CTIF: variants seen among roughly 807,000 people sequenced by gnomAD.
CTIF encodes the protein CBP80/20-dependent translation initiation factor.
CTIF carries 21 observed loss-of-function variants against 66.0 expected under a neutral mutation model. The ratio of observed to expected loss-of-function variants is 0.32; its 90% CI spans 0.23 to 0.46. The LOEUF is 0.46. Ranked by LOEUF, CTIF falls within the 20% of genes least tolerant of loss-of-function variation. The pLI, the probability that CTIF is intolerant of heterozygous loss-of-function variation, is 1.00. For missense variants in CTIF, 739 were observed against 812.7 expected (o/e 0.91, Z 1.10); for synonymous variants, 345 against 326.4 (o/e 1.06, Z -0.62).
chr18:48,725,743 G>A (rs990225140), intron 7 of CTIF, among the ~76,000 whole-genome samples: 8 of 152,046 alleles, frequency 5.3e-5, no homozygotes, highest in African/African-American at 1.2e-4. Flanking sequence ...TTAGTTTCTG[G>A]CACACTGAGA....
At chr18:48,824,013 C>CACAA (rs139376550) in intron 10 of CTIF, among the ~76,000 whole-genome samples, 1 of 146,640 alleles carries the variant, frequency 6.8e-6, no homozygotes, top group African/African-American at 2.5e-5. Flanking sequence ...CACACACACA[C>CACAA]AAACTGCTAG....
chr18:48,697,619 T>G (rs544013598), intron 6 of CTIF, among the ~76,000 whole-genome samples: 1 of 152,158 alleles, frequency 6.6e-6, no homozygotes. Flanking sequence ...TTCTCCAGTC[T>G]AACTCCAAAT....
rs988747555 is a variant in CTIF at position 48,719,152 on chromosome 18, A to G, written c.584+7457A>G. The stretch of plus-strand genomic sequence containing the variant: ...ATTGTCTTTAATATTTTTAAGCCCC[A>G]TTCCTTGACACTGCTGTGGCTTCTG... On this transcript the variant is annotated intron_variant, in intron 7 of 11. Transcript: ENST00000256413. Among the ~76,000 whole-genome samples, 6 of 152,180 alleles carry G rather than the reference A, an allele frequency of 3.9e-5. No individual in the cohort carries two copies. In the East Asian group the frequency reaches 1.2e-3, roughly 29 times the overall value.
intron 2 of CTIF, among the ~76,000 whole-genome samples, chr18:48,625,656 C>A (rs947528421): frequency 6.6e-6 from 1 of 152,174 alleles, no homozygotes; most frequent in African/African-American, 2.4e-5. Flanking sequence ...TTTCACCTGC[C>A]CACATGCCCC....
rs780856135 is a variant in CTIF, at chr18:48,603,628, AGGAT to A, written c.-28-15888_-28-15885del. Among the ~76,000 whole-genome samples, 143 of 120,942 alleles carry A rather than the reference AGGAT, an allele frequency of 1.2e-3. No homozygotes were observed. The Middle Eastern group carries it at 0.024, about 20-fold the overall frequency. 79.3% of individuals were successfully genotyped at this position (120,942 alleles called of 152,430 possible). A position where few individuals can be genotyped will look rare whatever the true frequency, so the allele number is the denominator to read the frequency against. On this transcript the variant is annotated intron_variant, in intron 1 of 11. Transcript: ENST00000256413. The stretch of plus-strand genomic sequence containing the variant: ...ATGGGTGGGTGGGTGGATGGATGGA[AGGAT>A]GGATGGATGGATGGATGGATGAATG...
chr18:48,646,473 G>A (rs2091033140), intron 3 of CTIF, among the ~76,000 whole-genome samples: 1 of 151,570 alleles, frequency 6.6e-6, no homozygotes, highest in South Asian at 2.1e-4. Context: ...ACGGCCAAGA[G>A]CGGTGGCTCA....
At chr18:48,810,069 T>C (rs182890558) in intron 9 of CTIF, among the ~76,000 whole-genome samples, 2 of 152,214 alleles carry the variant, frequency 1.3e-5, no homozygotes, top group African/African-American at 4.8e-5. Flanking sequence ...GATCTACATA[T>C]GTAATTTTAA....
intron 7 of CTIF, 122 bp from the exon 8 acceptor site, chr18:48,757,797 T>C (rs1908538279): frequency 7.6e-7 from 1 of 1,307,604 alleles, no homozygotes; most frequent in African/African-American, 1.5e-5. Context: ...GCTCAGGAAG[T>C]GTTTGTTGGA....
rs575076311 is a variant in CTIF at position 48,776,427 on chromosome 18, A to ATGGGG, written c.1371+14739_1371+14743dup. On this transcript the variant is annotated intron_variant, in intron 9 of 11. Transcript: ENST00000256413. ...GAGCAGGGTTGTGCAGGAGGCTGCCATGGGGCGGGTCTGCACAGCAACACT... is the reference window on the plus strand; with the variant it reads ...GAGCAGGGTTGTGCAGGAGGCTGCCATGGGGTGGGGCGGGTCTGCACAGCAACACT... Among the ~76,000 whole-genome samples, 79 of 152,362 alleles carry ATGGGG rather than the reference A, an allele frequency of 5.2e-4. 1 individual carries two copies. In the South Asian group the frequency reaches 0.016, roughly 30 times the overall value.
chr18:48,679,443 T>C (rs2091701472), intron 6 of CTIF, among the ~76,000 whole-genome samples: 1 of 152,144 alleles, frequency 6.6e-6, no homozygotes, highest in Non-Finnish European at 1.5e-5. Flanking sequence ...GAACTGCGCT[T>C]GGAGATGGTC....
At chr18:48,742,201 C>T (rs968258344) in intron 7 of CTIF, among the ~76,000 whole-genome samples, 4 of 152,212 alleles carry the variant, frequency 2.6e-5, no homozygotes, top group Non-Finnish European at 4.4e-5. Context: ...AAGGAGACAA[C>T]ACACGAGCTC....
At chr18:48,699,802 A>T (rs2092058471) in intron 6 of CTIF, among the ~76,000 whole-genome samples, 1 of 152,218 alleles carries the variant, frequency 6.6e-6, no homozygotes, top group Non-Finnish European at 1.5e-5. Flanking sequence ...TTTAGGTGAG[A>T]AAACTAGAAG....
Position 48,860,124 on chromosome 18 carries a change from A to G in CTIF, c.*565A>G. 2.7e-6 allele frequency: 1 copy of G among 372,180 alleles called. No individual in the cohort carries two copies. The highest frequency in any genetic ancestry group is 3.2e-5 in the Admixed American group (1 of 31,416). 23.1% of individuals were successfully genotyped at this position (372,180 alleles called of 1,614,324 possible). A position where few individuals can be genotyped will look rare whatever the true frequency, so the allele number is the denominator to read the frequency against. ...CCGTAATTGACGGCCTTTGTCAGCC[A>G]TGGCAGAGCTGACGCTCCACCTCCC... is the stretch of plus-strand genomic sequence containing the variant. On this transcript the variant is annotated 3_prime_UTR_variant, in exon 12 of 12. Transcript: ENST00000256413.
At chr18:48,773,131 T>C (rs1281413242) in intron 9 of CTIF, among the ~76,000 whole-genome samples, 1 of 152,138 alleles carries the variant, frequency 6.6e-6, no homozygotes, top group Non-Finnish European at 1.5e-5. Context: ...AGTTCCAGGA[T>C]CAATTAAAAA....
chr18:48,806,789 A>G (rs1326056970), intron 9 of CTIF, among the ~76,000 whole-genome samples: 1 of 152,246 alleles, frequency 6.6e-6, no homozygotes, highest in Non-Finnish European at 1.5e-5. Context: ...AGAATTTCCC[A>G]GAATGCCTTG....
intron 10 of CTIF, among the ~76,000 whole-genome samples, chr18:48,851,352 C>T (rs979201643): frequency 1.4e-4 from 22 of 152,200 alleles, no homozygotes; most frequent in African/African-American, 4.3e-4. Context: ...GTGGAAGGCA[C>T]GCAGGCTGTG....
At position 48,606,954 on chromosome 18, in the gene CTIF, C is replaced by T. The variant is rs1393532557; in HGVS notation, c.-28-12584C>T. Among the ~76,000 whole-genome samples, 3 of 152,234 alleles carry T rather than the reference C, an allele frequency of 2.0e-5. No individual in the cohort carries two copies. The East Asian group carries it at 5.8e-4, about 29-fold the overall frequency. On this transcript the variant is annotated intron_variant, in intron 1 of 11. Transcript: ENST00000256413. The stretch of plus-strand genomic sequence containing the variant: ...GCACATACTAAATTCTCAATAAACA[C>T]AGGTATTTATTATCTTTTATATATT...
At chr18:48,543,534 T>C (rs1239512606) in intron 1 of CTIF, among the ~76,000 whole-genome samples, 1 of 152,204 alleles carries the variant, frequency 6.6e-6, no homozygotes, top group East Asian at 1.9e-4. Context: ...CACCGTGCTC[T>C]CAGCATGCCT....
chr18:48,595,930 C>G (rs1440658462), intron 1 of CTIF, among the ~76,000 whole-genome samples: 1 of 152,138 alleles, frequency 6.6e-6, no homozygotes, highest in Non-Finnish European at 1.5e-5. Context: ...TCCTCTCCAG[C>G]ATGGCAGCTG....
Sources: gnomAD v4.1 joint callset for allele counts (sites outside exome capture counted in the v4.1 genomes callset) on GRCh38, gnomAD v4.1.1 for gene constraint, MANE v1.5 for transcripts, NCBI Gene and HGNC (gene_info 2026-07-23, HGNC 2026-07-21) for gene names.